The following MYO1H variants were observed in gnomAD, a reference collection of about 807,000 sequenced individuals.
The protein encoded by MYO1H is myosin IH, also known as unconventional myosin-Ih.
In MYO1H, 118 loss-of-function variants were observed where a neutral mutation model predicts 149.3. That is an observed-to-expected ratio of 0.79 (90% CI 0.68 to 0.92). The LOEUF is 0.92. MYO1H is among the 40% of genes least tolerant of loss of function. MYO1H has a pLI of 0.00. For missense variants in MYO1H, 1,212 were observed against 1,280.7 expected (o/e 0.95, Z 0.82); for synonymous variants, 447 against 465.2 (o/e 0.96, Z 0.50).
intron 14 of MYO1H, among the ~76,000 whole-genome samples, chr12:109,412,443 C>A (rs1844452965): frequency 6.6e-6 from 1 of 152,154 alleles, no homozygotes; most frequent in East Asian, 1.9e-4. Context: ...CTGCTGTGAG[C>A]CATCGTGCCC....
At chr12:109,335,283 T>C in the MYO1H span, among the ~76,000 whole-genome samples, 1 of 152,116 alleles carries the variant, frequency 6.6e-6, no homozygotes, top group African/African-American at 2.4e-5. Flanking sequence ...AAGGGGAAAC[T>C]AGTGCTTCAC....
exon 6 of MYO1H, chr12:109,401,110 G>C: frequency 6.2e-7 from 1 of 1,613,786 alleles, no homozygotes; most frequent in Non-Finnish European, 8.5e-7. Flanking sequence ...CCGTAGGTGG[G>C]CATATCATCA....
At chr12:109,442,122 C>A (rs977328545) in intron 26 of MYO1H, 95 bp from the exon 27 acceptor site, 4 of 1,008,702 alleles carry the variant, frequency 4.0e-6, no homozygotes, top group Non-Finnish European at 6.3e-6. Context: ...GAGATCTTAG[C>A]ACAGAGATGC....
At chr12:109,342,456 T>A in the MYO1H span, among the ~76,000 whole-genome samples, 1 of 151,762 alleles carries the variant, frequency 6.6e-6, no homozygotes, top group South Asian at 2.1e-4. Flanking sequence ...TGATTTTTTT[T>A]AATGTATATA....
intron 24 of MYO1H, among the ~76,000 whole-genome samples, chr12:109,440,035 CA>C (rs1872048043): frequency 6.6e-6 from 1 of 150,652 alleles, no homozygotes; most frequent in African/African-American, 2.4e-5. Context: ...TTAAACAGAG[CA>C]CTTTTTTTTT....
At chr12:109,351,903 C>G (rs1868467036) in intron 1 of MYO1H, among the ~76,000 whole-genome samples, 2 of 152,320 alleles carry the variant, frequency 1.3e-5, no homozygotes, top group South Asian at 2.1e-4. Flanking sequence ...GTTGGAGATG[C>G]TGCTTCAAAT....
the MYO1H span, among the ~76,000 whole-genome samples, chr12:109,330,653 T>C: frequency 6.6e-6 from 1 of 152,178 alleles, no homozygotes; most frequent in African/African-American, 2.4e-5. Flanking sequence ...TTATCTCTAA[T>C]TGGGTCTGGC....
chr12:109,389,156 A>C (rs1869522671), intron 2 of MYO1H, among the ~76,000 whole-genome samples: 1 of 152,158 alleles, frequency 6.6e-6, no homozygotes, highest in Admixed American at 6.5e-5. Context: ...CTGCTTTCTT[A>C]GGCATCCATT....
intron 9 of MYO1H, among the ~76,000 whole-genome samples, chr12:109,407,572 T>C (rs936262907): frequency 8.1e-5 from 10 of 123,084 alleles, no homozygotes; most frequent in Non-Finnish European, 1.3e-4. Context: ...AAGACCAGCC[T>C]GGGCAACATG....
chr12:109,411,133 C>T (rs944897569), intron 13 of MYO1H, among the ~76,000 whole-genome samples: 10 of 152,072 alleles, frequency 6.6e-5, no homozygotes, highest in Admixed American at 6.6e-4. Context: ...CAGAGGGAGA[C>T]TCCATCTCAA....
chr12:109,349,092 G>T (rs940982670), intron 1 of MYO1H, among the ~76,000 whole-genome samples: 2 of 152,230 alleles, frequency 1.3e-5, no homozygotes, highest in African/African-American at 4.8e-5. Context: ...TAGGAAGCAT[G>T]ATTCATTGGG....
At chr12:109,404,915 A>G (rs889581767) in intron 7 of MYO1H, among the ~76,000 whole-genome samples, 2 of 151,752 alleles carry the variant, frequency 1.3e-5, no homozygotes, top group African/African-American at 4.8e-5. Context: ...TAATTTAAAA[A>G]CAGCTGTATT....
chr12:109,318,960 G>GTTTTTTTTT, the MYO1H span, among the ~76,000 whole-genome samples: 12 of 77,952 alleles, frequency 1.5e-4, no homozygotes, highest in East Asian at 3.9e-3. Context: ...AACTCTCTGC[G>GTTTTTTTTT]TTTTTGGTTT....
chr12:109,310,531 C>T, the MYO1H span, among the ~76,000 whole-genome samples: 1 of 152,130 alleles, frequency 6.6e-6, no homozygotes, highest in East Asian at 1.9e-4. Flanking sequence ...GCACCCGAAG[C>T]GTCTGGAGTT....
rs117172219 is a variant in MYO1H, at chr12:109,436,862, G to A, written c.2209+306G>A. ...CTAGCACTTTGGGAGGCTGAGGCGC[G>A]TGGATTACTTGAGCTCAAGAGTTCA... On this transcript the variant is annotated intron_variant, in intron 22 of 31. Transcript: ENST00000310903. 1.9e-3 allele frequency among the ~76,000 whole-genome samples: 291 copies of A among 152,240 alleles called. 5 individuals carry two copies. The East Asian group carries it at 0.047, about 25-fold the overall frequency.
chr12:109,403,086 C>A (rs1411399251), intron 6 of MYO1H, among the ~76,000 whole-genome samples: 2 of 152,158 alleles, frequency 1.3e-5, no homozygotes, highest in Non-Finnish European at 2.9e-5. Context: ...GCTTTCAAAC[C>A]AACAGGTTTT....
the MYO1H span, among the ~76,000 whole-genome samples, chr12:109,342,129 T>TTTA: frequency 1.3e-5 from 2 of 148,628 alleles, no homozygotes; most frequent in Admixed American, 1.3e-4. Flanking sequence ...TTTGATTCTT[T>TTTA]TTTTTTTTTT....
intron 1 of MYO1H, among the ~76,000 whole-genome samples, chr12:109,378,580 A>C (rs1264899099): frequency 2.0e-5 from 3 of 152,168 alleles, no homozygotes; most frequent in African/African-American, 7.2e-5. Flanking sequence ...GGGCCTCCCA[A>C]AAGGCTGGGA....
At position 109,424,052 on chromosome 12, in the gene MYO1H, G is replaced by A. The variant is rs144768687; in HGVS notation, c.1645-696G>A. ...CTTCCAGGGACCACACAGGATGTGC[G>A]TATGTGTATCTCTTTCTTTCTTTTT... is the stretch of plus-strand genomic sequence containing the variant. On this transcript the variant is annotated intron_variant, in intron 16 of 31. Transcript: ENST00000310903. Among the ~76,000 whole-genome samples, 20 of 152,314 alleles carry A rather than the reference G, an allele frequency of 1.3e-4. 1 individual carries two copies. In the East Asian group the frequency reaches 2.3e-3, roughly 18 times the overall value.
Sources: gnomAD v4.1 joint callset for allele counts (sites outside exome capture counted in the v4.1 genomes callset) on GRCh38, gnomAD v4.1.1 for gene constraint, MANE v1.5 for transcripts, NCBI Gene and HGNC (gene_info 2026-07-23, HGNC 2026-07-21) for gene names.